Variants in PCDHGA2 observed in about 807,000 individuals in gnomAD.
PCDHGA2 encodes the protein protocadherin gamma subfamily A, 2.
PCDHGA2 carries 40 observed loss-of-function variants against 59.2 expected under a neutral mutation model. That is an observed-to-expected ratio of 0.68 (90% CI 0.52 to 0.88). The LOEUF is 0.88. PCDHGA2 is among the 40% of genes least tolerant of loss of function. The pLI, the probability that PCDHGA2 is intolerant of heterozygous loss-of-function variation, is 0.00. For missense variants in PCDHGA2, 1,226 were observed against 1,204.0 expected (o/e 1.02, Z -0.27); for synonymous variants, 560 against 526.0 (o/e 1.06, Z -0.89).
chr5:141,384,021 A>G (rs1779689462), intron 1 of PCDHGA2: 1 of 1,613,720 alleles, frequency 6.2e-7, no homozygotes, highest in African/African-American at 1.3e-5. Context: ...TACAAGACAG[A>G]GATTCTGGAA....
intron 1 of PCDHGA2, chr5:141,418,539 A>C (rs984639830): frequency 6.2e-7 from 1 of 1,614,034 alleles, no homozygotes; most frequent in East Asian, 2.2e-5. Flanking sequence ...GGTACTGCTC[A>C]GATAAGAATC....
intron 1 of PCDHGA2, chr5:141,427,093 G>A (rs1446677593): frequency 2.2e-6 from 1 of 458,122 alleles, no homozygotes. Flanking sequence ...CAGGATGAGG[G>A]TGTCAATGCG....
In PCDHGA2 at chr5:141,491,443, G is replaced by C. The variant is rs955584868; in HGVS notation, c.2425-3364G>C. On this transcript the variant is annotated intron_variant, in intron 1 of 3. Transcript: ENST00000394576. This position sits in a 1 kb window ranked among gnomAD's most constrained non-coding sequence, Gnocchi z 6.9. ...TGGAGGGCAGTGCTGCAGGCGCCAG[G>C]ACTCACCCTCCCCGGACTTCTATAA... 1 of 1,613,998 alleles carries C rather than the reference G, an allele frequency of 6.2e-7. No homozygotes were observed. Among genetic ancestry groups the C allele is most frequent in the Admixed American group, 1.7e-5 (1 of 60,000 alleles).
intron 1 of PCDHGA2, among the ~76,000 whole-genome samples, chr5:141,488,870 G>T (rs2099680071): frequency 6.6e-6 from 1 of 152,224 alleles, no homozygotes; most frequent in African/African-American, 2.4e-5. Context: ...TGAGTGGGGA[G>T]GTAGGAAGCT....
chr5:141,362,397 G>T (rs778703789), intron 1 of PCDHGA2: 1 of 1,613,898 alleles, frequency 6.2e-7, no homozygotes, highest in African/African-American at 1.3e-5. Flanking sequence ...CCTACAACCT[G>T]TGTGTTGCCT....
Position 141,485,778 on chromosome 5 carries a change from G to T in PCDHGA2, c.2425-9029G>T. The T allele has an allele frequency of 6.2e-7, 1 of 1,614,216 alleles. No individual in the cohort carries two copies. Among genetic ancestry groups the T allele is most frequent in the Admixed American group, 1.7e-5 (1 of 60,028 alleles). ...CTGCTCCTGGAGAAGCCTTTGGATC[G>T]AGAGAAGCAATCGGACTACCGCCTG... is the stretch of plus-strand genomic sequence containing the variant. On this transcript the variant is annotated intron_variant, in intron 1 of 3. Coordinates refer to ENST00000394576, the MANE Select transcript of PCDHGA2 (RefSeq NM_018915.4). The surrounding 1 kb of genome is among the most constrained non-coding windows in gnomAD (Gnocchi z 5.7).
intron 1 of PCDHGA2, chr5:141,399,529 G>A (rs946281582): frequency 3.1e-6 from 5 of 1,613,892 alleles, no homozygotes; most frequent in Non-Finnish European, 4.2e-6. Flanking sequence ...GGCCTCCATC[G>A]CGCAAGTCTG....
chr5:141,399,944 A>C, intron 1 of PCDHGA2: 1 of 1,612,254 alleles, frequency 6.2e-7, no homozygotes, highest in Non-Finnish European at 8.5e-7. Context: ...CACGTGCTGC[A>C]GGCTAGCGAG....
At position 141,477,843 on chromosome 5, in the gene PCDHGA2, C is replaced by T; in HGVS notation, c.2425-16964C>T. The T allele has an allele frequency of 6.2e-7, 1 of 1,613,408 alleles. No homozygotes were observed. Among genetic ancestry groups the T allele is most frequent in the Non-Finnish European group, 8.5e-7 (1 of 1,179,796 alleles). On this transcript the variant is annotated intron_variant, in intron 1 of 3. Coordinates refer to ENST00000394576, the MANE Select transcript of PCDHGA2 (RefSeq NM_018915.4). The surrounding 1 kb of genome is among the most constrained non-coding windows in gnomAD (Gnocchi z 4.9). Reference sequence around the variant, plus strand: ...CTATATCCTCGGCCAGGTGGGAGCTCGGTGGAGATGCTGCCTCGAGGTACC... The same window carrying T: ...CTATATCCTCGGCCAGGTGGGAGCTTGGTGGAGATGCTGCCTCGAGGTACC...
rs184860941 is a variant in PCDHGA2, at chr5:141,386,661, G to A, written c.2424+45266G>A. On this transcript the variant is annotated intron_variant, in intron 1 of 3. Coordinates refer to ENST00000394576, the MANE Select transcript of PCDHGA2 (RefSeq NM_018915.4). ...CTGGATACATTTTACAAGTTCTGCA[G>A]TGTTCACATTTCAGATGTACAATCA... Among the ~76,000 whole-genome samples the A allele has an allele frequency of 2.0e-4, 31 of 152,110 alleles. No individual in the cohort carries two copies. In the East Asian group the frequency reaches 3.5e-3, roughly 17 times the overall value.
At chr5:141,366,494 T>C (rs1764591738) in intron 1 of PCDHGA2, 2 of 1,614,234 alleles carry the variant, frequency 1.2e-6, no homozygotes. Context: ...CTGGCACAAG[T>C]CACGCCTGCT....
chr5:141,356,836 G>A, intron 1 of PCDHGA2: 1 of 1,614,160 alleles, frequency 6.2e-7, no homozygotes, highest in Non-Finnish European at 8.5e-7. Context: ...CAGCAGCAAT[G>A]TGTCACTGAG....
rs535002528 is a variant in PCDHGA2 at position 141,396,788 on chromosome 5, T to C, written c.2424+55393T>C. On this transcript the variant is annotated intron_variant, in intron 1 of 3. Transcript: ENST00000394576. ...GTTTGTTATTAATGAAAAGGACATT[T>C]CCTAAGGATTGTGTAGTGTTCTACT... Among the ~76,000 whole-genome samples, 53 of 152,322 alleles carry C rather than the reference T, an allele frequency of 3.5e-4. 2 individuals are homozygous for C. Among genetic ancestry groups the C allele is most frequent in the Admixed American group, 3.3e-3 (50 of 15,300 alleles).
rs2099883748 is a variant in PCDHGA2 at position 141,511,359 on chromosome 5, T to A, written c.*186T>A. On this transcript the variant is annotated 3_prime_UTR_variant, in exon 4 of 4. Transcript: ENST00000394576. ...CACCTACCCCTTCCCCCCCAGGGGGTTGAATATGCAAAAGCAGTTCCGCTG... is the reference window on the plus strand; with the variant it reads ...CACCTACCCCTTCCCCCCCAGGGGGATGAATATGCAAAAGCAGTTCCGCTG... 2 of 1,339,338 alleles carry A rather than the reference T, an allele frequency of 1.5e-6. No individual in the cohort carries two copies. Among genetic ancestry groups the A allele is most frequent in the Non-Finnish European group, 2.0e-6 (2 of 1,000,492 alleles). The allele number at this position is 1,339,338 out of a possible 1,614,324, so 83.0% of individuals were successfully genotyped here. A position where few individuals can be genotyped will look rare whatever the true frequency, so the allele number is the denominator to read the frequency against.
intron 1 of PCDHGA2, chr5:141,376,551 C>T: frequency 6.2e-7 from 1 of 1,611,758 alleles, no homozygotes; most frequent in South Asian, 1.1e-5. Flanking sequence ...TCTGATCTTC[C>T]CGCAACCCAA....
At chr5:141,365,439 G>A (rs1010180647) in intron 1 of PCDHGA2, 3 of 1,613,890 alleles carry the variant, frequency 1.9e-6, no homozygotes, top group Non-Finnish European at 2.5e-6. Context: ...GCGCTGTTTA[G>A]CGTACATGAT....
At chr5:141,412,300 A>T (rs1422841541) in intron 1 of PCDHGA2, 2 of 152,248 alleles carry the variant, frequency 1.3e-5, no homozygotes, top group Non-Finnish European at 2.9e-5. Context: ...TTCTTTTCTC[A>T]TTACAATGCA....
At chr5:141,384,969 G>C (rs996601457) in intron 1 of PCDHGA2, 1 of 1,614,014 alleles carries the variant, frequency 6.2e-7, no homozygotes, top group Admixed American at 1.7e-5. Flanking sequence ...ATGACCTCAC[G>C]TTGTACCTGG....
chr5:141,366,867 A>G (rs1025500937), intron 1 of PCDHGA2: 18 of 1,412,872 alleles, frequency 1.3e-5, no homozygotes, highest in African/African-American at 2.9e-5. Context: ...TATTTGCTGT[A>G]TTGGAGATTA....
Sources: gnomAD v4.1 joint callset for allele counts (sites outside exome capture counted in the v4.1 genomes callset) on GRCh38, gnomAD v4.1.1 for gene constraint, Gnocchi (gnomAD v3.1) non-coding constraint, MANE v1.5 for transcripts, NCBI Gene and HGNC (gene_info 2026-07-23, HGNC 2026-07-21) for gene names.